DNM2: variants seen among roughly 807,000 people sequenced by gnomAD.
The protein encoded by DNM2 is dynamin-2.
A neutral mutation model predicts 99.0 loss-of-function variants in DNM2; 15 were observed. The observed-to-expected ratio is 0.15, with a 90% confidence interval of 0.10 to 0.23. The LOEUF is 0.23. Ranked by LOEUF, DNM2 falls within the 10% of genes least tolerant of loss-of-function variation. The pLI, the probability that DNM2 is intolerant of heterozygous loss-of-function variation, is 1.00. For missense variants in DNM2, 742 were observed against 1,189.4 expected (o/e 0.62, Z 5.53); for synonymous variants, 525 against 481.2 (o/e 1.09, Z -1.19).
At chr19:10,761,906 C>T (rs1300975772) in intron 2 of DNM2, among the ~76,000 whole-genome samples, 1 of 152,216 alleles carries the variant, frequency 6.6e-6, no homozygotes, top group Non-Finnish European at 1.5e-5. Context: ...TGGGCTGCCA[C>T]CTCTGGGTTC....
chr19:10,798,216 C>T (rs1706856262), intron 10 of DNM2, among the ~76,000 whole-genome samples: 1 of 152,244 alleles, frequency 6.6e-6, no homozygotes, highest in African/African-American at 2.4e-5. Context: ...CCCTGCTTTT[C>T]TGCTTTCATG....
At chr19:10,803,890 TA>T (rs2072244926) in intron 12 of DNM2, among the ~76,000 whole-genome samples, 1 of 152,134 alleles carries the variant, frequency 6.6e-6, no homozygotes, top group Non-Finnish European at 1.5e-5. Flanking sequence ...GTGGAGTCCT[TA>T]AACAAATTGT....
chr19:10,793,245 G>T (rs1486477710), intron 7 of DNM2, among the ~76,000 whole-genome samples: 1 of 152,192 alleles, frequency 6.6e-6, no homozygotes, highest in African/African-American at 2.4e-5. Flanking sequence ...TGTAGATGAG[G>T]AATCGGAGGC....
intron 15 of DNM2, among the ~76,000 whole-genome samples, chr19:10,813,227 T>C (rs2146116495): frequency 6.6e-6 from 1 of 152,288 alleles, no homozygotes; most frequent in East Asian, 1.9e-4. Context: ...GGGTGATGAC[T>C]GCAGGGAGCA....
chr19:10,809,325 C>G (rs760973765), intron 14 of DNM2: 1 of 152,312 alleles, frequency 6.6e-6, no homozygotes, highest in Admixed American at 6.5e-5. Context: ...TCCACTTACC[C>G]TTTCTCCTAT....
chr19:10,730,883 G>C (rs2069289313), intron 1 of DNM2, among the ~76,000 whole-genome samples: 1 of 152,168 alleles, frequency 6.6e-6, no homozygotes, highest in South Asian at 2.1e-4. Flanking sequence ...TCTGTTACAA[G>C]AGACCTCCTT....
chr19:10,721,714 T>A (rs1260079629), intron 1 of DNM2, among the ~76,000 whole-genome samples: 1 of 152,176 alleles, frequency 6.6e-6, no homozygotes, highest in East Asian at 1.9e-4. Context: ...GAGCCTGGAT[T>A]TTCTAAGGAT....
chr19:10,777,170 C>T lies in DNM2; in HGVS notation c.642C>T (p.Thr214=), dbSNP rs752944817. Residue 214 remains threonine, a synonymous_variant, in exon 5 of 21, where the codon ACC becomes ACT. Coordinates refer to ENST00000389253, the MANE Select transcript of DNM2 (RefSeq NM_001005361.3). The stretch of plus-strand genomic sequence containing the variant: ...AGCTTGACCTGATGGACGAGGGCAC[C>T]GACGCCAGGGACGTCTTGGAGAACA... ...ITKLDLMDEG[T]DARDVLENKL... is the part of the protein sequence containing the mutation. 6.2e-6 allele frequency: 10 copies of T among 1,614,042 alleles called. No homozygotes were observed. The highest frequency in any genetic ancestry group is 2.2e-5 in the East Asian group (1 of 44,900).
At chr19:10,829,953 G>T (rs1301495563) in intron 19 of DNM2, among the ~76,000 whole-genome samples, 174 bp from the exon 20 acceptor site, 2 of 152,156 alleles carry the variant, frequency 1.3e-5, no homozygotes, top group African/African-American at 2.4e-5. Flanking sequence ...AGTGCCTGAG[G>T]GGGCCGAGGG....
intron 5 of DNM2, chr19:10,780,155 T>C (rs542993799): frequency 3.3e-5 from 5 of 152,580 alleles, no homozygotes; most frequent in South Asian, 4.1e-4. Flanking sequence ...TGCTGAGATA[T>C]TGAGTGGTGA....
intron 1 of DNM2, among the ~76,000 whole-genome samples, chr19:10,746,614 T>G (rs988573871): frequency 1.3e-5 from 2 of 151,832 alleles, no homozygotes; most frequent in Non-Finnish European, 2.9e-5. Context: ...GAGACGGGGT[T>G]TCTCCCTGTT....
intron 1 of DNM2, among the ~76,000 whole-genome samples, chr19:10,720,424 G>T (rs1230630880): frequency 6.6e-6 from 1 of 151,886 alleles, no homozygotes; most frequent in Non-Finnish European, 1.5e-5. Flanking sequence ...TGTTGGCCAG[G>T]CTGGTCTCAA....
Position 10,772,001 on chromosome 19 carries a change from G to T in DNM2, c.236-478G>T, listed in dbSNP as rs1355150605. ...CCCCCAAGACCCTTGTCATGAGAACGAATCTTTCACTCCCAAATTCCTAGA... is the reference window on the plus strand; with the variant it reads ...CCCCCAAGACCCTTGTCATGAGAACTAATCTTTCACTCCCAAATTCCTAGA... On this transcript the variant is annotated intron_variant, in intron 2 of 20. Coordinates refer to ENST00000389253, the MANE Select transcript of DNM2 (RefSeq NM_001005361.3). The surrounding 1 kb of genome is among the most constrained non-coding windows in gnomAD (Gnocchi z 4.9). Among the ~76,000 whole-genome samples, 3 of 152,000 alleles carry T rather than the reference G, an allele frequency of 2.0e-5. No homozygotes were observed. Among genetic ancestry groups the T allele is most frequent in the African/African-American group, 7.2e-5 (3 of 41,400 alleles).
Position 10,786,645 on chromosome 19 carries a change from G to C in DNM2, c.931G>C (p.Val311Leu). 6 of 1,614,130 alleles carry C rather than the reference G, an allele frequency of 3.7e-6. No homozygotes were observed. Among genetic ancestry groups the C allele is most frequent in the Non-Finnish European group, 5.1e-6 (6 of 1,180,030 alleles). The change falls in exon 7 of 21, where the codon GTG becomes CTG. Residue 311 changes from valine (V) to leucine (L), a missense_variant. Transcript: ENST00000389253. Reference sequence around the variant, plus strand: ...CCAGCTGCTGTCCCTGGAGAAGGAGGTGGAGGAGTACAAGAACTTTCGGCC... The same window carrying C: ...CCAGCTGCTGTCCCTGGAGAAGGAGCTGGAGGAGTACAAGAACTTTCGGCC... Reference protein sequence around the residue: ...QSQLLSLEKEVEEYKNFRPDD... With the variant: ...QSQLLSLEKELEEYKNFRPDD...
rs182604090 is a variant in DNM2, at chr19:10,746,301, G to T, written c.162-13437G>T. Among the ~76,000 whole-genome samples the T allele has an allele frequency of 7.1e-4, 107 of 151,572 alleles. 2 individuals are homozygous for T. The East Asian group carries it at 0.019, about 27-fold the overall frequency. ...GACCACCAATGTGGCTGGAGGCAGG[G>T]AGTGAGGGGGTGGTGGGGGAGGAGG... On this transcript the variant is annotated intron_variant, in intron 1 of 20. Transcript: ENST00000389253.
Position 10,786,626 on chromosome 19 carries a change from G to C in DNM2, c.912G>C (p.Leu304=). ...TACGTAGCAAACTACAGAGCCAGCT[G>C]CTGTCCCTGGAGAAGGAGGTGGAGG... ...PALRSKLQSQ[L]LSLEKEVEEY... The change falls in exon 7 of 21, where the codon CTG becomes CTC. Residue 304 remains leucine (L), a synonymous_variant. Coordinates refer to ENST00000389253, the MANE Select transcript of DNM2 (RefSeq NM_001005361.3). 1.2e-6 allele frequency: 2 copies of C among 1,614,176 alleles called. No individual in the cohort carries two copies. Among genetic ancestry groups the C allele is most frequent in the Non-Finnish European group, 1.7e-6 (2 of 1,180,020 alleles).
intron 1 of DNM2, among the ~76,000 whole-genome samples, chr19:10,745,175 C>T (rs1021547149): frequency 6.6e-6 from 1 of 152,210 alleles, no homozygotes; most frequent in Admixed American, 6.5e-5. Context: ...CATCATCCCC[C>T]ACGCATAATC....
chr19:10,813,088 T>C (rs947072162), intron 15 of DNM2, among the ~76,000 whole-genome samples: 4 of 152,224 alleles, frequency 2.6e-5, no homozygotes, highest in Admixed American at 2.6e-4. Context: ...CCCTTGCCTC[T>C]CTGGGCCTCA....
In DNM2 at chr19:10,778,235, A is replaced by G. The variant is rs886385852; in HGVS notation, c.688+1019A>G. On this transcript the variant is annotated intron_variant, in intron 5 of 20. Transcript: ENST00000389253. Reference sequence around the variant, plus strand: ...TTTTTAATTGAGACAGGGTTTCACCATGTTGGCCAGGCTGGTCTCGAACTG... The same window carrying G: ...TTTTTAATTGAGACAGGGTTTCACCGTGTTGGCCAGGCTGGTCTCGAACTG... Among the ~76,000 whole-genome samples the G allele has an allele frequency of 2.0e-5, 3 of 150,630 alleles. No homozygotes were observed. The South Asian group carries it at 6.3e-4, about 32-fold the overall frequency.
Sources: allele counts gnomAD v4.1 joint callset (sites outside exome capture counted in the v4.1 genomes callset), GRCh38; gene constraint gnomAD v4.1.1; non-coding constraint Gnocchi (gnomAD v3.1); transcripts MANE v1.5; gene names NCBI Gene and HGNC (gene_info 2026-07-23, HGNC 2026-07-21).